Variants in C1orf185 observed in about 807,000 individuals in gnomAD.
C1orf185 encodes chromosome 1 open reading frame 185, also known as uncharacterized protein C1orf185.
A neutral mutation model predicts 16.1 loss-of-function variants in C1orf185; 13 were observed. The observed-to-expected ratio is 0.81, with a 90% CI of 0.53 to 1.28. C1orf185 has a LOEUF of 1.28. Among genes scored for constraint, C1orf185 ranks in the 50% most tolerant of loss-of-function variants. The probability of loss-of-function intolerance (pLI) is 0.00; values close to 1 mark genes in which losing one functional copy is unlikely to be tolerated. For missense variants in C1orf185, 220 were observed against 225.2 expected, an observed-to-expected ratio of 0.98 and a Z score of 0.15; for synonymous variants, 80 against 76.9, an observed-to-expected ratio of 1.04 and a Z score of -0.21.
intron 3 of C1orf185, among the ~76,000 whole-genome samples, chr1:51,143,054 G>A (rs752379243): frequency 3.9e-5 from 6 of 152,120 alleles, no homozygotes; most frequent in Non-Finnish European, 8.8e-5. Context: ...GTGAGCCACC[G>A]TGCCCAGCCT....
chr1:51,150,653 G>A (rs2148036764), downstream of C1orf185, among the ~76,000 whole-genome samples: 1 of 152,246 alleles, frequency 6.6e-6, no homozygotes, highest in African/African-American at 2.4e-5. Context: ...GAACTATAAA[G>A]GATCTGAGAT....
chr1:51,135,337 C>G (rs1025205889), intron 3 of C1orf185, among the ~76,000 whole-genome samples: 1 of 152,142 alleles, frequency 6.6e-6, no homozygotes, highest in East Asian at 1.9e-4. Context: ...GTTGGGAGTT[C>G]AAGACCAGCC....
intron 2 of C1orf185, among the ~76,000 whole-genome samples, chr1:51,116,400 G>A (rs1300587262): frequency 1.4e-5 from 2 of 146,558 alleles, no homozygotes; most frequent in Non-Finnish European, 3.0e-5. Context: ...TGCAACCTCC[G>A]CCTCCCAGGT....
chr1:51,112,128 G>A (rs116538803), intron 1 of C1orf185, among the ~76,000 whole-genome samples: 1 of 151,516 alleles, frequency 6.6e-6, no homozygotes, highest in Non-Finnish European at 1.5e-5. Flanking sequence ...GGAATGATAC[G>A]GGAGGGGAAA....
In C1orf185 at chr1:51,123,095, G is replaced by T. The variant is rs542846690; in HGVS notation, c.258+4294G>T. 2.0e-5 allele frequency among the ~76,000 whole-genome samples: 3 copies of T among 152,130 alleles called. No homozygotes were observed. In the East Asian group the frequency reaches 5.8e-4, roughly 29 times the overall value. ...TGGTAGGATTTCTGCAAAGTCCTGGGGTGGCATAGGGCATCACATGGTGAA... is the reference window on the plus strand; with the variant it reads ...TGGTAGGATTTCTGCAAAGTCCTGGTGTGGCATAGGGCATCACATGGTGAA... On this transcript the variant is annotated intron_variant, in intron 3 of 4. Transcript: ENST00000371759.
rs566808280 is a variant in C1orf185, at chr1:51,109,691, G to T, written c.17-2773G>T. Among the ~76,000 whole-genome samples, 118 of 152,264 alleles carry T rather than the reference G, an allele frequency of 7.7e-4. 1 individual carries two copies. The highest frequency in any genetic ancestry group is 2.7e-3 in the African/African-American group (114 of 41,534). On this transcript the variant is annotated intron_variant, in intron 1 of 4. Coordinates refer to ENST00000371759, the MANE Select transcript of C1orf185 (RefSeq NM_001136508.2). ...GTTCCTGGCACTTTGGCAAAAATCA[G>T]TTGGCTGTAGACATGTAGATTTATT... is the stretch of plus-strand genomic sequence containing the variant.
intron 3 of C1orf185, among the ~76,000 whole-genome samples, chr1:51,119,331 T>C (rs530317272): frequency 6.6e-6 from 1 of 152,216 alleles, no homozygotes; most frequent in African/African-American, 2.4e-5. Context: ...GTCAACACAA[T>C]GCTAAATGAA....
chr1:51,116,312 A>G (rs973064114), intron 2 of C1orf185, among the ~76,000 whole-genome samples: 9 of 133,186 alleles, frequency 6.8e-5, no homozygotes, highest in Admixed American at 1.5e-4. Flanking sequence ...AAGTCACCCT[A>G]CCCTTTTTTT....
chr1:51,105,255 ACG>A (rs1646060801), intron 1 of C1orf185, among the ~76,000 whole-genome samples: 1 of 151,860 alleles, frequency 6.6e-6, no homozygotes, highest in African/African-American at 2.4e-5. Context: ...GTGTGAGCCA[ACG>A]CTCCCCACCT....
chr1:51,118,620 TA>T, intron 2 of C1orf185, 45 bp from the exon 3 acceptor site: 1 of 1,106,580 alleles, frequency 9.0e-7, no homozygotes, highest in Non-Finnish European at 1.2e-6. Flanking sequence ...AATTGTTTTA[TA>T]ATCTAACTCA....
At chr1:51,150,676 G>A (rs1646426066), downstream of C1orf185, among the ~76,000 whole-genome samples, 1 of 152,194 alleles carries the variant, frequency 6.6e-6, no homozygotes, top group Non-Finnish European at 1.5e-5. Context: ...CACTCTTTAT[G>A]CAAGCTGACA....
At chr1:51,104,927 T>C (rs970669380) in intron 1 of C1orf185, among the ~76,000 whole-genome samples, 7 of 152,070 alleles carry the variant, frequency 4.6e-5, no homozygotes, top group African/African-American at 1.4e-4. Flanking sequence ...CCCTTCTAGA[T>C]TGTATGCTCC....
In C1orf185 at chr1:51,111,370, C is replaced by CTTTTTTTTTTTTTTTT. The variant is rs35232347; in HGVS notation, c.17-1091_17-1090insTTTTTTTTTTTTTTTT. Among the ~76,000 whole-genome samples, 78 of 114,386 alleles carry CTTTTTTTTTTTTTTTT rather than the reference C, an allele frequency of 6.8e-4. 5 individuals carry two copies. Among genetic ancestry groups the CTTTTTTTTTTTTTTTT allele is most frequent in the African/African-American group, 1.6e-3 (44 of 27,324 alleles). 75.0% of individuals were successfully genotyped at this position (114,386 alleles called of 152,430 possible). ...ATATTGCTTTCATTTAGCTTTCTTTCTTTCTTTTTTTTTTTTTTTGAGAGA... is the reference window on the plus strand; with the variant it reads ...ATATTGCTTTCATTTAGCTTTCTTTCTTTTTTTTTTTTTTTTTTTCTTTTTTTTTTTTTTTGAGAGA... On this transcript the variant is annotated intron_variant, in intron 1 of 4. Transcript: ENST00000371759.
intron 3 of C1orf185, among the ~76,000 whole-genome samples, chr1:51,128,407 T>TC (rs1646258016): frequency 6.6e-6 from 1 of 151,658 alleles, no homozygotes; most frequent in African/African-American, 2.4e-5. Flanking sequence ...TTAGTGGGTG[T>TC]AAAGCCAGGC....
intron 3 of C1orf185, among the ~76,000 whole-genome samples, chr1:51,126,155 C>T (rs1475200124): frequency 6.6e-6 from 1 of 152,166 alleles, no homozygotes; most frequent in Non-Finnish European, 1.5e-5. Context: ...TCAAGTGTGA[C>T]TTGCAACCTG....
intron 3 of C1orf185, among the ~76,000 whole-genome samples, chr1:51,124,756 G>C (rs1462244042): frequency 6.6e-6 from 1 of 152,226 alleles, no homozygotes; most frequent in Non-Finnish European, 1.5e-5. Context: ...TGACACTGGT[G>C]ATAGTGTCTT....
At chr1:51,132,352 G>A (rs182392703) in intron 3 of C1orf185, among the ~76,000 whole-genome samples, 14 of 152,280 alleles carry the variant, frequency 9.2e-5, no homozygotes, top group South Asian at 2.1e-4. Context: ...ATGATAAAAC[G>A]ATGCAGGAGC....
chr1:51,147,772 C>A lies in C1orf185; in HGVS notation c.*1C>A. On this transcript the variant is annotated 3_prime_UTR_variant, in exon 5 of 5. Coordinates refer to ENST00000371759, the MANE Select transcript of C1orf185 (RefSeq NM_001136508.2). The stretch of plus-strand genomic sequence containing the variant: ...AAGTGTACTGAATGACACTTTATGA[C>A]CATCAAAAAGATGACTACATTAAGG... The A allele has an allele frequency of 6.6e-7, 1 of 1,504,726 alleles. No homozygotes were observed. Among genetic ancestry groups the A allele is most frequent in the Non-Finnish European group, 8.9e-7 (1 of 1,125,666 alleles). The allele number at this position is 1,504,726 out of a possible 1,614,324, so 93.2% of individuals were successfully genotyped here.
At chr1:51,142,165 T>G (rs1339461053) in intron 3 of C1orf185, among the ~76,000 whole-genome samples, 1 of 152,236 alleles carries the variant, frequency 6.6e-6, no homozygotes, top group Non-Finnish European at 1.5e-5. Flanking sequence ...AAATCCATAT[T>G]CCATTTTTGT....
Sources: gnomAD v4.1 joint callset for allele counts (sites outside exome capture counted in the v4.1 genomes callset) on GRCh38, gnomAD v4.1.1 for gene constraint, MANE v1.5 for transcripts, NCBI Gene and HGNC (gene_info 2026-07-23, HGNC 2026-07-21) for gene names.